Variants in PDE4D observed in about 807,000 individuals in gnomAD.
PDE4D encodes 3',5'-cyclic-AMP phosphodiesterase 4D.
PDE4D carries 24 observed loss-of-function variants against 87.4 expected under a neutral mutation model. The observed-to-expected ratio is 0.27, with a 90% confidence interval of 0.20 to 0.39. PDE4D has a LOEUF of 0.39. Ranked by LOEUF, PDE4D falls within the 10% of genes least tolerant of loss-of-function variation. The pLI is 1.00. For synonymous variants in PDE4D, 384 were observed against 383.2 expected (o/e 1.00, Z -0.02); for missense variants, 714 against 1,041.0 (o/e 0.69, Z 4.32).
At chr5:59,552,437 T>C (rs1250635407) in intron 1 of PDE4D, among the ~76,000 whole-genome samples, 1 of 152,204 alleles carries the variant, frequency 6.6e-6, no homozygotes, top group Non-Finnish European at 1.5e-5. Context: ...TTTCAAGTTG[T>C]TGTACTAGAA....
intron 1 of PDE4D, among the ~76,000 whole-genome samples, chr5:59,539,349 G>A (rs777955835): frequency 5.3e-5 from 8 of 152,012 alleles, no homozygotes; most frequent in African/African-American, 7.2e-5. Flanking sequence ...TTATTACAAC[G>A]TACCTCCCTG....
chr5:59,314,105 C>T (rs1225286286), intron 1 of PDE4D: 1 of 152,120 alleles, frequency 6.6e-6, no homozygotes, highest in East Asian at 1.9e-4. Context: ...ATTGCTTATG[C>T]TTACACTTGG....
chr5:59,851,005 G>A (rs577641221), intron 1 of PDE4D, among the ~76,000 whole-genome samples: 3 of 152,030 alleles, frequency 2.0e-5, no homozygotes, highest in Admixed American at 6.6e-5. Context: ...AACAGAATAG[G>A]GCAGAAGCAA....
intron 1 of PDE4D, among the ~76,000 whole-genome samples, chr5:59,685,718 T>C (rs1278557524): frequency 1.1e-4 from 16 of 149,296 alleles, no homozygotes; most frequent in Admixed American, 9.9e-4. Context: ...TAATTAAAAA[T>C]AACAGATTTT....
At chr5:59,058,673 G>A (rs1169088825) in intron 5 of PDE4D, among the ~76,000 whole-genome samples, 1 of 152,026 alleles carries the variant, frequency 6.6e-6, no homozygotes, top group Non-Finnish European at 1.5e-5. Context: ...TCTACCGGGG[G>A]CTTTCCACTA....
At position 60,372,369 on chromosome 5, in the gene PDE4D, C is replaced by T. The variant is rs566210404; in HGVS notation, c.-90+115573G>A. On this transcript the variant is annotated intron_variant, in intron 1 of 16. Coordinates refer to the PDE4D transcript ENST00000502484. ...TCTGTACATTCTTTCCACTCAAAGC[C>T]TTCCTGTCTGTTGGCCTTTCTCAAT... 3.9e-5 allele frequency among the ~76,000 whole-genome samples: 6 copies of T among 152,320 alleles called. No individual in the cohort carries two copies. In the South Asian group the frequency reaches 1.2e-3, roughly 32 times the overall value.
intron 5 of PDE4D, among the ~76,000 whole-genome samples, chr5:59,044,696 C>T (rs1760321549): frequency 6.6e-6 from 1 of 152,170 alleles, no homozygotes; most frequent in African/African-American, 2.4e-5. Context: ...TGGCAAGCTG[C>T]TCTCATCTCC....
intron 2 of PDE4D, among the ~76,000 whole-genome samples, chr5:60,122,112 G>A (rs1244196308): frequency 6.6e-6 from 1 of 152,134 alleles, no homozygotes; most frequent in Non-Finnish European, 1.5e-5. Context: ...ATGGTCTTGG[G>A]CACCTCTGCT....
At chr5:59,588,405 G>A (rs1825493084) in intron 1 of PDE4D, among the ~76,000 whole-genome samples, 1 of 152,122 alleles carries the variant, frequency 6.6e-6, no homozygotes. Context: ...GGACTTTGCA[G>A]TAGAAGTACA....
intron 1 of PDE4D, among the ~76,000 whole-genome samples, chr5:59,695,141 A>G (rs1013011713): frequency 1.3e-5 from 2 of 151,916 alleles, no homozygotes; most frequent in South Asian, 2.1e-4. Context: ...TCAAATCCAT[A>G]TCTTTTATTT....
chr5:59,106,295 T>A (rs918273256), intron 5 of PDE4D, among the ~76,000 whole-genome samples: 9 of 152,176 alleles, frequency 5.9e-5, no homozygotes, highest in Admixed American at 3.3e-4. Flanking sequence ...CAACTTGTAG[T>A]TTTAAGACTA....
At chr5:60,472,432 G>A (rs1382706705) in intron 1 of PDE4D, among the ~76,000 whole-genome samples, 9 of 152,090 alleles carry the variant, frequency 5.9e-5, no homozygotes, top group Non-Finnish European at 1.5e-5. Context: ...GCCTTTGAAA[G>A]CACTATAGAA....
chr5:59,180,697 G>C (rs563226296), intron 4 of PDE4D, 53 bp from the exon 5 acceptor site: 45 of 1,481,096 alleles, frequency 3.0e-5, no homozygotes, highest in Non-Finnish European at 4.0e-5. Context: ...TTATTGATTT[G>C]ATCACTCTCT....
intron 3 of PDE4D, among the ~76,000 whole-genome samples, chr5:59,950,471 T>C (rs983675262): frequency 4.6e-5 from 7 of 152,112 alleles, no homozygotes; most frequent in Non-Finnish European, 1.0e-4. Flanking sequence ...TACATTTTCC[T>C]GGAGGGATGT....
In PDE4D at chr5:59,893,550, T is replaced by C. The variant is rs1014928103; in HGVS notation, c.73A>G (p.Thr25Ala). 81 of 1,538,650 alleles carry C rather than the reference T, an allele frequency of 5.3e-5. No individual in the cohort carries two copies. Among genetic ancestry groups the C allele is most frequent in the Middle Eastern group, 3.8e-4 (2 of 5,238 alleles). ...CAGAGATGCTTGGGGGCTTTGAGCGTGGCCCCGCCGGCGCTGTCGCTGCCC... is the reference window on the plus strand; with the variant it reads ...CAGAGATGCTTGGGGGCTTTGAGCGCGGCCCCGCCGGCGCTGTCGCTGCCC... The part of the protein sequence containing the change: ...GEGSDSAGGA[T>A]LKAPKHLWRH... The change falls in exon 1 of 15, where the codon ACG becomes GCG. Residue 25 changes from threonine to alanine, a missense_variant. Around this residue, in one of 7 missense-constraint regions of PDE4D, gnomAD observed 268 missense variants for 272.9 expected, o/e 0.98. Transcript: ENST00000340635.
chr5:59,050,636 A>G (rs1008979766), intron 5 of PDE4D, among the ~76,000 whole-genome samples: 21 of 152,246 alleles, frequency 1.4e-4, no homozygotes, highest in Non-Finnish European at 2.2e-4. Flanking sequence ...ATACACACAG[A>G]AGAATCCACA....
At chr5:59,422,831 A>G (rs908358021) in intron 1 of PDE4D, among the ~76,000 whole-genome samples, 2 of 152,224 alleles carry the variant, frequency 1.3e-5, no homozygotes, top group African/African-American at 4.8e-5. Context: ...GTCAACATTT[A>G]TGACAGTTTT....
At chr5:60,284,402 T>G (rs1752220965) in intron 1 of PDE4D, among the ~76,000 whole-genome samples, 1 of 152,172 alleles carries the variant, frequency 6.6e-6, no homozygotes, top group Admixed American at 6.5e-5. Flanking sequence ...AAGTTGCACT[T>G]TTTAGGAACA....
At chr5:59,131,724 A>T (rs16877156) in intron 5 of PDE4D, among the ~76,000 whole-genome samples, 15,505 of 151,988 alleles carry the variant, frequency 0.1, 1,131 homozygotes, top group East Asian at 0.27. Context: ...AAGTATATAG[A>T]ATGTGGAAAA....
Sources: gnomAD v4.1 joint callset for allele counts (sites outside exome capture counted in the v4.1 genomes callset) on GRCh38, gnomAD v4.1.1 for gene constraint, gnomAD v4.1.1 regional missense constraint, MANE v1.5 for transcripts, NCBI Gene and HGNC (gene_info 2026-07-23, HGNC 2026-07-21) for gene names.